AHI1: variants seen among roughly 807,000 people sequenced by gnomAD.
The protein encoded by AHI1 is jouberin.
A neutral mutation model predicts 149.3 loss-of-function variants in AHI1; 123 were observed. The observed-to-expected ratio is 0.82, with a 90% CI of 0.71 to 0.96. AHI1 has a LOEUF of 0.96. AHI1 is among the 40% of genes least tolerant of loss of function. The pLI, the probability that AHI1 is intolerant of heterozygous loss-of-function variation, is 0.00. For synonymous variants in AHI1, 475 were observed against 459.8 expected (o/e 1.03, Z -0.42); for missense variants, 1,439 against 1,422.7 (o/e 1.01, Z -0.18).
intron 24 of AHI1, among the ~76,000 whole-genome samples, chr6:135,342,672 T>C (rs1253261746): frequency 6.6e-6 from 1 of 151,732 alleles, no homozygotes; most frequent in African/African-American, 2.4e-5. Flanking sequence ...ATATGGAAAA[T>C]CATTTAATAA....
At position 135,455,113 on chromosome 6, in the gene AHI1, C is replaced by T. The variant is rs182712582; in HGVS notation, c.1344+621G>A. ...TCTAGGTTCAAACTATCTGCAAACG[C>T]ATTTTTTTTAACTTAAAATTCGAGT... On this transcript the variant is annotated intron_variant, in intron 10 of 28. Transcript: ENST00000265602. Among the ~76,000 whole-genome samples, 138 of 150,976 alleles carry T rather than the reference C, an allele frequency of 9.1e-4. No homozygotes were observed. In the East Asian group the frequency reaches 0.017, roughly 18 times the overall value.
At chr6:135,330,949 A>G (rs1303220775) in intron 24 of AHI1, among the ~76,000 whole-genome samples, 1 of 152,174 alleles carries the variant, frequency 6.6e-6, no homozygotes, top group East Asian at 1.9e-4. Flanking sequence ...TATTATTTCA[A>G]TATTTTATAA....
At chr6:135,298,093 GT>G (rs1248198768) in intron 27 of AHI1, among the ~76,000 whole-genome samples, 1 of 152,084 alleles carries the variant, frequency 6.6e-6, no homozygotes, top group Non-Finnish European at 1.5e-5. Flanking sequence ...AATACTACTT[GT>G]TAAGGATGAC....
At chr6:135,322,186 A>G (rs373265322) in intron 25 of AHI1, among the ~76,000 whole-genome samples, 62 of 152,272 alleles carry the variant, frequency 4.1e-4, no homozygotes, top group Middle Eastern at 3.4e-3. Flanking sequence ...TAATTCCTTC[A>G]TTTTACAGAA....
chr6:135,429,061 A>G (rs571731284), intron 18 of AHI1, among the ~76,000 whole-genome samples: 200 of 151,806 alleles, frequency 1.3e-3, no homozygotes, highest in African/African-American at 4.7e-3. Context: ...AAGAGAAATT[A>G]ATTCTAGCTA....
At chr6:135,449,027 A>T (rs1562796075) in intron 11 of AHI1, among the ~76,000 whole-genome samples, 1 of 152,150 alleles carries the variant, frequency 6.6e-6, no homozygotes, top group East Asian at 1.9e-4. Flanking sequence ...CAAAACTTAT[A>T]TTTAAGCTAA....
rs199794648 is a variant in AHI1 at position 135,338,300 on chromosome 6, C to CA, written c.3166-14977dup. On this transcript the variant is annotated intron_variant, in intron 24 of 28. Coordinates refer to ENST00000265602, the MANE Select transcript of AHI1 (RefSeq NM_001134831.2). The stretch of plus-strand genomic sequence containing the variant: ...GGGTGACAAGGGTGAAACTCCATCT[C>CA]AAAAAAAAAAAAAAAAAAAGAAAGA... 6.6e-3 allele frequency among the ~76,000 whole-genome samples: 624 copies of CA among 94,434 alleles called. 5 individuals carry two copies. Among genetic ancestry groups the CA allele is most frequent in the South Asian group, 0.016 (45 of 2,768 alleles). The allele number at this position is 94,434 out of a possible 152,430, so 62.0% of individuals were successfully genotyped here.
chr6:135,346,088 G>A (rs1168349523), intron 24 of AHI1, among the ~76,000 whole-genome samples: 2 of 152,156 alleles, frequency 1.3e-5, no homozygotes, highest in Admixed American at 1.3e-4. Context: ...TTGCTCATAA[G>A]ACCAAACAGC....
intron 4 of AHI1, 76 bp downstream of exon 4, chr6:135,492,152 T>G: frequency 8.9e-7 from 1 of 1,118,750 alleles, no homozygotes; most frequent in Non-Finnish European, 1.3e-6. Flanking sequence ...TGTTCAAGAA[T>G]CCCTTAAAAT....
At chr6:135,406,411 G>A (rs1461711506) in intron 21 of AHI1, among the ~76,000 whole-genome samples, 1 of 152,198 alleles carries the variant, frequency 6.6e-6, no homozygotes, top group Non-Finnish European at 1.5e-5. Context: ...CAGCTCCAGT[G>A]CTTACTACTT....
chr6:135,377,014 A>G (rs761852753), intron 23 of AHI1, among the ~76,000 whole-genome samples: 1 of 150,576 alleles, frequency 6.6e-6, no homozygotes, highest in African/African-American at 2.4e-5. Context: ...CAATTTAAGT[A>G]TGAATCTGGA....
chr6:135,336,100 C>T (rs932252370), intron 24 of AHI1, among the ~76,000 whole-genome samples: 2 of 127,924 alleles, frequency 1.6e-5, no homozygotes, highest in African/African-American at 6.1e-5. Context: ...ATGACTAGAG[C>T]GAAACTCCGT....
intron 22 of AHI1, among the ~76,000 whole-genome samples, chr6:135,404,348 G>C (rs561591854): frequency 1.3e-5 from 2 of 152,110 alleles, no homozygotes; most frequent in Non-Finnish European, 2.9e-5. Context: ...TTTACTAATC[G>C]AGAGCCTTTT....
At chr6:135,387,719 C>T (rs1777807380) in intron 23 of AHI1, 1 of 1,032,460 alleles carries the variant, frequency 9.7e-7, no homozygotes, top group Non-Finnish European at 1.2e-6. Flanking sequence ...ATATCTTCCA[C>T]TCTTTTGGCA....
rs201790260 is a variant in AHI1 at position 135,457,632 on chromosome 6, A to C, written c.1013T>G (p.Leu338Trp). 79 of 1,613,984 alleles carry C rather than the reference A, an allele frequency of 4.9e-5. No homozygotes were observed. The African/African-American group carries it at 1.0e-3, about 21-fold the overall frequency. Residue 338 changes from leucine to tryptophan, a missense_variant, in exon 9 of 29, where the codon TTG becomes TGG. Physicochemically the swap from Leu to Trp is moderately conservative, Grantham distance 61. Transcript: ENST00000265602. Reference sequence around the variant, plus strand: ...TCCCAAGACAAGGTCATCATCAAGCAAACATTTGGGATAAACCGGGCTATC... The same window carrying C: ...TCCCAAGACAAGGTCATCATCAAGCCAACATTTGGGATAAACCGGGCTATC... ...SRDSPVYPKC[L>W]LDDDLVLGVY...
intron 20 of AHI1, among the ~76,000 whole-genome samples, chr6:135,412,111 G>A (rs1781686353): frequency 1.3e-5 from 2 of 151,650 alleles, no homozygotes; most frequent in Admixed American, 6.6e-5. Flanking sequence ...AATACAGTTG[G>A]TCCACTGTAT....
intron 20 of AHI1, among the ~76,000 whole-genome samples, chr6:135,424,597 T>C (rs974613057): frequency 3.9e-5 from 6 of 152,100 alleles, no homozygotes; most frequent in African/African-American, 1.4e-4. Flanking sequence ...AAAATCATAT[T>C]TCTTACCAAA....
In AHI1 at chr6:135,460,148, A is replaced by C. The variant is rs1789642951; in HGVS notation, c.932-2435T>G. 2.6e-5 allele frequency among the ~76,000 whole-genome samples: 4 copies of C among 152,258 alleles called. No individual in the cohort carries two copies. In the South Asian group the frequency reaches 8.3e-4, roughly 32 times the overall value. On this transcript the variant is annotated intron_variant, in intron 8 of 28. Coordinates refer to ENST00000265602, the MANE Select transcript of AHI1 (RefSeq NM_001134831.2). Reference sequence around the variant, plus strand: ...CAGTGAGCTGAGATCACGCCACTGCACTCCAGCCTGAGTGACAGGGCAAGA... The same window carrying C: ...CAGTGAGCTGAGATCACGCCACTGCCCTCCAGCCTGAGTGACAGGGCAAGA...
rs1354254507 is a variant in AHI1 at position 135,344,696 on chromosome 6, TTTTC to T, written c.3165+13432_3165+13435del. 5.3e-5 allele frequency among the ~76,000 whole-genome samples: 8 copies of T among 151,262 alleles called. No individual in the cohort carries two copies. The East Asian group carries it at 1.2e-3, about 22-fold the overall frequency. On this transcript the variant is annotated intron_variant, in intron 24 of 28. Coordinates refer to ENST00000265602, the MANE Select transcript of AHI1 (RefSeq NM_001134831.2). Reference sequence around the variant, plus strand: ...TCTTCCTTCCTTTCCTTTTCTTTCTTTTTCTTTCTCTCTCTTTCTTTCCTTTTCT... The same window carrying T: ...TCTTCCTTCCTTTCCTTTTCTTTCTTTTTCTCTCTCTTTCTTTCCTTTTCT...
Sources: gnomAD v4.1 joint callset for allele counts (sites outside exome capture counted in the v4.1 genomes callset) on GRCh38, gnomAD v4.1.1 for gene constraint, MANE v1.5 for transcripts, NCBI Gene and HGNC (gene_info 2026-07-23, HGNC 2026-07-21) for gene names.